STIM1: variants seen among roughly 807,000 people sequenced by gnomAD.
STIM1 encodes the protein stromal interaction molecule 1.
STIM1 carries 25 observed loss-of-function variants against 74.7 expected under a neutral mutation model. That is an observed-to-expected ratio of 0.33 (90% CI 0.24 to 0.47). The LOEUF (loss-of-function observed/expected upper bound fraction) is 0.47. Among genes scored for constraint, STIM1 ranks in the 20% least tolerant of loss-of-function variants. The pLI is 1.00. For synonymous variants in STIM1, 328 were observed against 348.8 expected, an observed-to-expected ratio of 0.94 and a Z score of 0.66; for missense variants, 728 against 920.8, an observed-to-expected ratio of 0.79 and a Z score of 2.71.
In STIM1 at chr11:4,055,751, G is replaced by A. The variant is rs981038097; in HGVS notation, c.497+114G>A. 32 of 734,014 alleles carry A rather than the reference G, an allele frequency of 4.4e-5. No individual in the cohort carries two copies. The Middle Eastern group carries it at 2.8e-3, about 63-fold the overall frequency. The allele number at this position is 734,014 out of a possible 1,614,324, so 45.5% of individuals were successfully genotyped here. On this transcript the variant is annotated intron_variant, in intron 4 of 12. Coordinates refer to ENST00000526596, the MANE Select transcript of STIM1 (RefSeq NM_001382567.1). The stretch of plus-strand genomic sequence containing the variant: ...GAGGTTCTGCCTTTTTCAGGGCAGC[G>A]TCTATAGATCTTGCCTCTTCTCACA...
At chr11:3,988,669 A>G (rs1488053436) in intron 2 of STIM1, among the ~76,000 whole-genome samples, 1 of 152,220 alleles carries the variant, frequency 6.6e-6, no homozygotes, top group Non-Finnish European at 1.5e-5. Context: ...CAGGACTACC[A>G]CAACCAAAGA....
intron 1 of STIM1, among the ~76,000 whole-genome samples, chr11:3,901,452 T>G (rs1227982517): frequency 1.3e-5 from 2 of 152,308 alleles, no homozygotes; most frequent in Non-Finnish European, 2.9e-5. Flanking sequence ...TGCTTTTCTA[T>G]TAGTATGACT....
chr11:3,871,762 G>T (rs993442464), intron 1 of STIM1, among the ~76,000 whole-genome samples: 1 of 152,136 alleles, frequency 6.6e-6, no homozygotes, highest in Non-Finnish European at 1.5e-5. Context: ...AATTAGGTAG[G>T]CTTAGTTTAG....
intron 1 of STIM1, among the ~76,000 whole-genome samples, chr11:3,893,859 A>G (rs1021403686): frequency 1.3e-5 from 2 of 152,160 alleles, no homozygotes; most frequent in African/African-American, 2.4e-5. Context: ...GTCAATATCA[A>G]TATCCAAATA....
chr11:3,995,155 T>C (rs779855091), intron 2 of STIM1, among the ~76,000 whole-genome samples: 98 of 152,158 alleles, frequency 6.4e-4, no homozygotes, highest in Non-Finnish European at 1.2e-3. Context: ...AAATCTGACA[T>C]CTGGTCCCTC....
Position 4,084,694 on chromosome 11 carries a change from G to A in STIM1, c.1496G>A (p.Arg499His), listed in dbSNP as rs538951401. 1.3e-4 allele frequency: 174 copies of A among 1,289,388 alleles called. No homozygotes were observed. Among genetic ancestry groups the A allele is most frequent in the African/African-American group, 3.3e-4 (22 of 65,978 alleles). 79.9% of individuals were successfully genotyped at this position (1,289,388 alleles called of 1,614,324 possible). The change falls in exon 11 of 13, where the codon CGT becomes CAT. Residue 499 changes from arginine (R) to histidine (H), a missense_variant. By Grantham distance (29) the Arg-to-His change is conservative (BLOSUM62 0). Coordinates refer to ENST00000526596, the MANE Select transcript of STIM1 (RefSeq NM_001382567.1). Reference protein sequence around the residue: ...SMQYAAWLMGRRFSDRSLCST... With the variant: ...SMQYAAWLMGHRFSDRSLCST... ...CTAGATGCTGCCTGGCTGATGGGGC[G>A]TAGGTTCAGTGACCGCTCTCTCTGC... is the stretch of plus-strand genomic sequence containing the variant.
chr11:4,030,060 G>C (rs186327719), intron 3 of STIM1, among the ~76,000 whole-genome samples: 40 of 152,288 alleles, frequency 2.6e-4, no homozygotes, highest in African/African-American at 9.6e-4. Context: ...GGGTGCGGTG[G>C]CTCACGCCTG....
intron 1 of STIM1, among the ~76,000 whole-genome samples, chr11:3,899,325 A>C (rs1299560381): frequency 6.6e-6 from 1 of 152,030 alleles, no homozygotes; most frequent in African/African-American, 2.4e-5. Context: ...TTTGTCTGTT[A>C]TTGGTGTATA....
intron 2 of STIM1, among the ~76,000 whole-genome samples, chr11:4,011,206 T>C (rs1367624244): frequency 2.0e-5 from 3 of 152,364 alleles, no homozygotes; most frequent in Non-Finnish European, 2.9e-5. Flanking sequence ...TATAGTATCA[T>C]GATTTATAAT....
chr11:3,960,131 C>A (rs1237898615), intron 1 of STIM1, among the ~76,000 whole-genome samples: 1 of 151,894 alleles, frequency 6.6e-6, no homozygotes, highest in Admixed American at 6.6e-5. Context: ...AGCACTTGTG[C>A]AATTGAGTTG....
chr11:4,006,341 C>T (rs952121983), intron 2 of STIM1, among the ~76,000 whole-genome samples: 1 of 152,230 alleles, frequency 6.6e-6, no homozygotes. Flanking sequence ...GCTTCCTGTA[C>T]AGCCTGCGGA....
intron 1 of STIM1, among the ~76,000 whole-genome samples, chr11:3,887,733 C>A (rs1280540796): frequency 1.3e-5 from 2 of 152,016 alleles, no homozygotes; most frequent in Admixed American, 1.3e-4. Flanking sequence ...CTTTGGGAGG[C>A]CGAGACGGGC....
chr11:3,872,532 T>C (rs912874175), intron 1 of STIM1, among the ~76,000 whole-genome samples: 1 of 150,216 alleles, frequency 6.7e-6, no homozygotes, highest in African/African-American at 2.4e-5. Flanking sequence ...TCTTTTTTTT[T>C]TTTTTTTGAG....
chr11:4,024,450 C>A (rs2093982803), intron 3 of STIM1, among the ~76,000 whole-genome samples: 1 of 152,180 alleles, frequency 6.6e-6, no homozygotes, highest in East Asian at 1.9e-4. Context: ...CTTTTCTATA[C>A]CATTTTGGTT....
At chr11:3,882,591 TTAAAA>T (rs1447383590) in intron 1 of STIM1, among the ~76,000 whole-genome samples, 1 of 152,210 alleles carries the variant, frequency 6.6e-6, no homozygotes, top group African/African-American at 2.4e-5. Flanking sequence ...ACCCCGGAAC[TTAAAA>T]TAAAAAGAAA....
At chr11:4,005,301 G>T (rs1243159644) in intron 2 of STIM1, among the ~76,000 whole-genome samples, 1 of 152,060 alleles carries the variant, frequency 6.6e-6, no homozygotes, top group Non-Finnish European at 1.5e-5. Context: ...TATTGTGGCA[G>T]TATTCACAAT....
intron 1 of STIM1, among the ~76,000 whole-genome samples, chr11:3,958,115 C>G (rs535852834): frequency 6.6e-6 from 1 of 152,212 alleles, no homozygotes; most frequent in Non-Finnish European, 1.5e-5. Context: ...CCGCCCATCT[C>G]GGCCTCCCAA....
intron 1 of STIM1, among the ~76,000 whole-genome samples, chr11:3,858,395 G>C (rs1259078708): frequency 6.6e-6 from 1 of 152,156 alleles, no homozygotes; most frequent in African/African-American, 2.4e-5. Context: ...CTCATGCTCA[G>C]TTTAGAAACT....
chr11:3,981,938 A>G (rs555287578), intron 2 of STIM1, among the ~76,000 whole-genome samples: 8 of 152,320 alleles, frequency 5.3e-5, no homozygotes, highest in African/African-American at 1.9e-4. Flanking sequence ...TTTCAGGTAT[A>G]CTTTTGCCAA....
Sources: gnomAD v4.1 joint callset for allele counts (sites outside exome capture counted in the v4.1 genomes callset) on GRCh38, gnomAD v4.1.1 for gene constraint, MANE v1.5 for transcripts, NCBI Gene and HGNC (gene_info 2026-07-23, HGNC 2026-07-21) for gene names.